Variants in NECTIN1 observed in about 807,000 individuals in gnomAD.
NECTIN1 encodes the protein nectin cell adhesion molecule 1.
In NECTIN1, 23 loss-of-function variants were observed where a neutral mutation model predicts 48.0. The ratio of observed to expected loss-of-function variants is 0.48; its 90% confidence interval spans 0.34 to 0.68. The LOEUF (loss-of-function observed/expected upper bound fraction) is 0.68. NECTIN1 is among the 30% of genes least tolerant of loss of function. The pLI is 0.01. For synonymous variants in NECTIN1, 270 were observed against 288.9 expected, an observed-to-expected ratio of 0.93 and a Z score of 0.66; for missense variants, 591 against 709.9, an observed-to-expected ratio of 0.83 and a Z score of 1.90.
Position 119,728,521 on chromosome 11 carries a change from T to C in NECTIN1, c.33A>G (p.Gly11=), listed in dbSNP as rs1477982638. The part of the protein sequence containing the change: MARMGLAGAA[G]RWWGLALGLT... ...AGCCGAGAGCGAGTCCCCACCAGCGTCCAGCGGCGCCCGCAAGCCCCATCC... is the reference window on the plus strand; with the variant it reads ...AGCCGAGAGCGAGTCCCCACCAGCGCCCAGCGGCGCCCGCAAGCCCCATCC... Residue 11 remains glycine (G), a synonymous_variant, in exon 1 of 6, where the codon GGA becomes GGG. Coordinates refer to ENST00000264025, the MANE Select transcript of NECTIN1 (RefSeq NM_002855.5). The C allele has an allele frequency of 1.3e-6, 2 of 1,594,884 alleles. No individual in the cohort carries two copies. The highest frequency in any genetic ancestry group is 1.7e-5 in the Admixed American group (1 of 58,430).
chr11:119,722,769 T>C (rs1591491005), intron 1 of NECTIN1, among the ~76,000 whole-genome samples: 1 of 152,210 alleles, frequency 6.6e-6, no homozygotes, highest in South Asian at 2.1e-4. Context: ...TGAGTGGCTC[T>C]TTCTCAAGGG....
chr11:119,662,533 C>T lies in NECTIN1; in HGVS notation c.*2214G>A. ...TGGGCTTGGGGCCTTCAAAGTCCAA[C>T]ACAGAATGGGGAATAGAGGGTGGCA... is the stretch of plus-strand genomic sequence containing the variant. On this transcript the variant is annotated 3_prime_UTR_variant, in exon 6 of 6. Coordinates refer to ENST00000264025, the MANE Select transcript of NECTIN1 (RefSeq NM_002855.5). The surrounding 1 kb of genome is among the most constrained non-coding windows in gnomAD (Gnocchi z 5.3). 1 of 985,746 alleles carries T rather than the reference C, an allele frequency of 1.0e-6. No homozygotes were observed. Among genetic ancestry groups the T allele is most frequent in the Non-Finnish European group, 1.2e-6 (1 of 830,026 alleles). The allele number at this position is 985,746 out of a possible 1,614,324, so 61.1% of individuals were successfully genotyped here. A position where few individuals can be genotyped will look rare whatever the true frequency, so the allele number is the denominator to read the frequency against.
In NECTIN1 at chr11:119,727,850, C is replaced by T. The variant is rs1865937478; in HGVS notation, c.79+625G>A. Among the ~76,000 whole-genome samples, 1 of 152,206 alleles carries T rather than the reference C, an allele frequency of 6.6e-6. No individual in the cohort carries two copies. ...GCAGAGTTCCGAGGGGGAGCCCGGTCCCGCGCCAGGCCGGGAGGAGGCTGC... is the reference window on the plus strand; with the variant it reads ...GCAGAGTTCCGAGGGGGAGCCCGGTTCCGCGCCAGGCCGGGAGGAGGCTGC... On this transcript the variant is annotated intron_variant, in intron 1 of 5. Transcript: ENST00000264025. The surrounding 1 kb of genome is among the most constrained non-coding windows in gnomAD (Gnocchi z 4.1).
chr11:119,647,161 ATGTGTGTGTGTGTGTGTGTGTGTGTGTG>A (rs58590467), intron 5 of NECTIN1, among the ~76,000 whole-genome samples: 121 of 84,784 alleles, frequency 1.4e-3, no homozygotes, highest in African/African-American at 3.0e-3. Flanking sequence ...CTTGCGGCGC[ATGTGTGTGTGTGTGTGTGTGTGTGTGTG>A]TGTGTGTGTG....
intron 5 of NECTIN1, among the ~76,000 whole-genome samples, chr11:119,647,666 A>G (rs1426299954): frequency 6.6e-6 from 1 of 152,074 alleles, no homozygotes; most frequent in Non-Finnish European, 1.5e-5. Context: ...GGGGGGAAGC[A>G]CCAAATCTGC....
chr11:119,720,988 G>A (rs1565404856), intron 1 of NECTIN1, among the ~76,000 whole-genome samples: 1 of 152,156 alleles, frequency 6.6e-6, no homozygotes, highest in Non-Finnish European at 1.5e-5. Context: ...TTCCTCTCTA[G>A]GGTCCCCAAC....
In NECTIN1 at chr11:119,683,441, C is replaced by G. The variant is rs1865095068; in HGVS notation, c.80-4676G>C. ...GGTGGTGTCCCTCCTAGAATATAACCTCAGTGCCTCCATTGCCCCTTGTGA... is the reference window on the plus strand; with the variant it reads ...GGTGGTGTCCCTCCTAGAATATAACGTCAGTGCCTCCATTGCCCCTTGTGA... On this transcript the variant is annotated intron_variant, in intron 1 of 5. Transcript: ENST00000264025. The surrounding 1 kb of genome is among the most constrained non-coding windows in gnomAD (Gnocchi z 4.0). 2.0e-5 allele frequency among the ~76,000 whole-genome samples: 3 copies of G among 152,132 alleles called. No individual in the cohort carries two copies. The South Asian group carries it at 6.2e-4, about 32-fold the overall frequency.
chr11:119,639,014 TC>T (rs1864280783), intron 6 of NECTIN1, among the ~76,000 whole-genome samples: 2 of 151,970 alleles, frequency 1.3e-5, no homozygotes, highest in Admixed American at 1.3e-4. Context: ...CGGCCACCTT[TC>T]CCAGGTGTGT....
intron 5 of NECTIN1, among the ~76,000 whole-genome samples, chr11:119,648,180 G>T (rs1864423497): frequency 6.8e-6 from 1 of 146,100 alleles, no homozygotes; most frequent in Admixed American, 7.0e-5. Flanking sequence ...TCAGGGTGGG[G>T]TGATGGTGGT....
rs186077142 is a variant in NECTIN1, at chr11:119,650,620, G to A, written c.1004-10608C>T. On this transcript the variant is annotated intron_variant, in intron 5 of 7. Transcript: ENST00000341398. The stretch of plus-strand genomic sequence containing the variant: ...TGGCTCTGCCCTTCACAGTTTCTAC[G>A]GCAGCAGGCAGAGGGTAGGGTTGCA... Among the ~76,000 whole-genome samples, 163 of 152,298 alleles carry A rather than the reference G, an allele frequency of 1.1e-3. 1 individual carries two copies. Among genetic ancestry groups the A allele is most frequent in the South Asian group, 7.7e-3 (37 of 4,830 alleles).
chr11:119,728,350 C>T lies in NECTIN1; in HGVS notation c.79+125G>A, dbSNP rs1278828097. ...CCGTGCCACCTCCCACCCCCTTTAC[C>T]CAAGCCGTGACCCAACTTTTCTGGC... On this transcript the variant is annotated intron_variant, in intron 1 of 5. Coordinates refer to ENST00000264025, the MANE Select transcript of NECTIN1 (RefSeq NM_002855.5). 3 of 930,370 alleles carry T rather than the reference C, an allele frequency of 3.2e-6. No homozygotes were observed. The African/African-American group carries it at 5.0e-5, about 16-fold the overall frequency. 57.6% of individuals were successfully genotyped at this position (930,370 alleles called of 1,614,324 possible).
At position 119,728,733 on chromosome 11, in the gene NECTIN1, G is replaced by T. The variant is rs993605547; in HGVS notation, c.-180C>A. 1 of 458,630 alleles carries T rather than the reference G, an allele frequency of 2.2e-6. No individual in the cohort carries two copies. Among genetic ancestry groups the T allele is most frequent in the Non-Finnish European group, 3.8e-6 (1 of 260,774 alleles). 28.4% of individuals were successfully genotyped at this position (458,630 alleles called of 1,614,324 possible). A position where few individuals can be genotyped will look rare whatever the true frequency, so the allele number is the denominator to read the frequency against. ...TGGGATCCGCGCGGCCGCAGTCCGG[G>T]CCCCGGGCCGCCGCCGGCTCAGAGG... On this transcript the variant is annotated 5_prime_UTR_variant, in exon 1 of 6. Transcript: ENST00000264025.
Position 119,638,799 on chromosome 11 carries a change from G to A in NECTIN1, c.1159C>T (p.Gln387Ter). ...GGCTCCGGCTTCTGGGAGAGGGGCTGGTCGGTCCTGGAGACAGAATGAGGG... is the reference window on the plus strand; with the variant it reads ...GGCTCCGGCTTCTGGGAGAGGGGCTAGTCGGTCCTGGAGACAGAATGAGGG... Residue 387 changes from glutamine (Q) to a stop codon, truncating the protein, a stop_gained, in exon 7 of 8, where the codon CAG (glutamine) becomes TAG (stop). Coordinates refer to the NECTIN1 transcript ENST00000341398. LOFTEE classifies it high-confidence loss of function. 1 of 1,613,768 alleles carries A rather than the reference G, an allele frequency of 6.2e-7. No homozygotes were observed. The highest frequency in any genetic ancestry group is 8.5e-7 in the Non-Finnish European group (1 of 1,179,878).
Position 119,727,622 on chromosome 11 carries a change from C to T in NECTIN1, c.79+853G>A, listed in dbSNP as rs1239859586. On this transcript the variant is annotated intron_variant, in intron 1 of 5. Transcript: ENST00000264025. This position sits in a 1 kb window ranked among gnomAD's most constrained non-coding sequence, Gnocchi z 4.1. The stretch of plus-strand genomic sequence containing the variant: ...CCCAGCACAATATGCCTGGGCTGGT[C>T]CCAGCCTCCGTCCCCACCCCACCCG... Among the ~76,000 whole-genome samples, 1 of 152,200 alleles carries T rather than the reference C, an allele frequency of 6.6e-6. No individual in the cohort carries two copies. Among genetic ancestry groups the T allele is most frequent in the Non-Finnish European group, 1.5e-5 (1 of 68,024 alleles).
At chr11:119,687,860 G>C (rs539842239) in intron 1 of NECTIN1, among the ~76,000 whole-genome samples, 1 of 152,358 alleles carries the variant, frequency 6.6e-6, no homozygotes, top group South Asian at 2.1e-4. Flanking sequence ...GCCCTGTCCA[G>C]CTATGGGCAG....
In NECTIN1 at chr11:119,669,210, A is replaced by G. The variant is rs574291373; in HGVS notation, c.1004-3913T>C. On this transcript the variant is annotated intron_variant, in intron 5 of 5. Transcript: ENST00000264025. ...ACGGATCACCTAAGGTCAGGAGTTCAAGACCAGCCTGACCAACATGGTGAA... is the reference window on the plus strand; with the variant it reads ...ACGGATCACCTAAGGTCAGGAGTTCGAGACCAGCCTGACCAACATGGTGAA... Among the ~76,000 whole-genome samples the G allele has an allele frequency of 4.2e-3, 641 of 152,264 alleles. 1 individual carries two copies. The highest frequency in any genetic ancestry group is 0.013 in the African/African-American group (526 of 41,564).
At chr11:119,689,839 G>C (rs1373151979) in intron 1 of NECTIN1, among the ~76,000 whole-genome samples, 1 of 152,210 alleles carries the variant, frequency 6.6e-6, no homozygotes, top group Admixed American at 6.5e-5. Context: ...ACAGCGAGTG[G>C]GGATCAGTGA....
At chr11:119,686,660 C>T (rs554490625) in intron 1 of NECTIN1, among the ~76,000 whole-genome samples, 1 of 152,294 alleles carries the variant, frequency 6.6e-6, no homozygotes, top group African/African-American at 2.4e-5. Context: ...ACAATCCGGT[C>T]GGTTGAGGTT....
chr11:119,708,150 G>A (rs1865578124), intron 1 of NECTIN1, among the ~76,000 whole-genome samples: 2 of 152,194 alleles, frequency 1.3e-5, no homozygotes, highest in African/African-American at 2.4e-5. Context: ...CAGAAGATGT[G>A]AGATTTTTTA....
Sources: gnomAD v4.1 joint callset for allele counts (sites outside exome capture counted in the v4.1 genomes callset) on GRCh38, gnomAD v4.1.1 for gene constraint, Gnocchi (gnomAD v3.1) non-coding constraint, MANE v1.5 for transcripts, NCBI Gene and HGNC (gene_info 2026-07-23, HGNC 2026-07-21) for gene names.